PODN: variants seen among roughly 807,000 people sequenced by gnomAD.
The protein encoded by PODN is podocan proteoglycan.
In PODN, 40 loss-of-function variants were observed where a neutral mutation model predicts 52.7. The observed-to-expected ratio is 0.76, with a 90% CI of 0.59 to 0.99. The LOEUF is 0.99. PODN is among the 50% of genes least tolerant of loss of function. PODN has a pLI of 0.00. For missense variants in PODN, 720 were observed against 815.1 expected (o/e 0.88, Z 1.42); for synonymous variants, 396 against 377.9 (o/e 1.05, Z -0.56).
chr1:53,075,880 T>C lies in PODN; in HGVS notation c.490T>C (p.Phe164Leu), dbSNP rs1409002606. Residue 164 changes from phenylalanine (F) to leucine (L), a missense_variant, in exon 5 of 11, where the codon TTC becomes CTC. Transcript: ENST00000312553. ...ANNKLTLAPR[F>L]LPNALISVDF... ...TTCCCAGCTGACCTTGGCACCCCGC[T>C]TCCTGCCAAACGCCCTGATCAGTGT... The C allele has an allele frequency of 6.2e-7, 1 of 1,602,840 alleles. No homozygotes were observed. Among genetic ancestry groups the C allele is most frequent in the African/African-American group, 1.3e-5 (1 of 74,774 alleles).
At chr1:53,071,708 G>A (rs1644121417) in intron 3 of PODN, 80 bp downstream of exon 3, 6 of 1,379,110 alleles carry the variant, frequency 4.4e-6, no homozygotes, top group Non-Finnish European at 5.0e-6. Flanking sequence ...TGCCCAGGGG[G>A]AGAGCTTGGC....
In PODN at chr1:53,063,345, T is replaced by C. The variant is rs955018304; in HGVS notation, c.-56+1037T>C. On this transcript the variant is annotated intron_variant, in intron 1 of 10. Coordinates refer to ENST00000312553, the MANE Select transcript of PODN (RefSeq NM_153703.5). The stretch of plus-strand genomic sequence containing the variant: ...GCTTGGAGTGAATTACTGACCTGTC[T>C]GCCCTTCGATTACCGGCTGGCCAGG... 12 of 985,626 alleles carry C rather than the reference T, an allele frequency of 1.2e-5. No individual in the cohort carries two copies. The African/African-American group carries it at 1.7e-4, about 14-fold the overall frequency. 61.1% of individuals were successfully genotyped at this position (985,626 alleles called of 1,614,324 possible).
Position 53,070,042 on chromosome 1 carries a change from C to A in PODN, c.187C>A (p.Pro63Thr). ...GAGCCCTGAGGAGCCCGGGCCTGGCCCAGCCGCGGTCAGCTGCCCCCGAGA... is the reference window on the plus strand; with the variant it reads ...GAGCCCTGAGGAGCCCGGGCCTGGCACAGCCGCGGTCAGCTGCCCCCGAGA... ...VLSPEEPGPG[P>T]AAVSCPRDCA... The change falls in exon 2 of 11, where the codon CCA becomes ACA. Residue 63 changes from proline (P) to threonine (T), a missense_variant. Coordinates refer to ENST00000312553, the MANE Select transcript of PODN (RefSeq NM_153703.5). The A allele has an allele frequency of 6.2e-7, 1 of 1,612,986 alleles. No homozygotes were observed. Among genetic ancestry groups the A allele is most frequent in the Non-Finnish European group, 8.5e-7 (1 of 1,179,960 alleles).
chr1:53,062,341 G>T, intron 1 of PODN, 33 bp downstream of exon 1: 1 of 1,233,540 alleles, frequency 8.1e-7, no homozygotes, highest in Non-Finnish European at 1.0e-6. Flanking sequence ...GTGGGCCGAG[G>T]GGCCGGGGGC....
chr1:53,081,608 C>T (rs2150307227), intron 9 of PODN, among the ~76,000 whole-genome samples: 1 of 152,354 alleles, frequency 6.6e-6, no homozygotes, highest in South Asian at 2.1e-4. Context: ...TGCCACTCCA[C>T]ATCAGGCACT....
chr1:53,074,520 G>A (rs940879530), intron 3 of PODN, 86 bp from the exon 4 acceptor site: 32 of 1,495,172 alleles, frequency 2.1e-5, no homozygotes, highest in South Asian at 5.7e-5. Context: ...CCTGGCAGGC[G>A]GGTGGGGGAG....
At position 53,071,581 on chromosome 1, in the gene PODN, A is replaced by C; in HGVS notation, c.359A>C (p.His120Pro). ...KIYPEELSRL[H>P]RLETLNLQNN... ...TACCCTGAGGAGCTCTCCCGGCTGC[A>C]CCGGCTGGAGACGCTGAACCTGCAA... is the stretch of plus-strand genomic sequence containing the variant. The change falls in exon 3 of 11, where the codon CAC (histidine) becomes CCC (proline). Residue 120 changes from histidine (H) to proline (P), a missense_variant. Physicochemically the swap from His to Pro is moderately conservative, Grantham distance 77. Transcript: ENST00000312553. 2 of 1,613,992 alleles carry C rather than the reference A, an allele frequency of 1.2e-6. No individual in the cohort carries two copies. Among genetic ancestry groups the C allele is most frequent in the Non-Finnish European group, 1.7e-6 (2 of 1,179,998 alleles).
At chr1:53,076,491 C>G (rs868366135) in intron 5 of PODN, among the ~76,000 whole-genome samples, 3 of 152,150 alleles carry the variant, frequency 2.0e-5, no homozygotes, top group Admixed American at 6.5e-5. Context: ...ACGGGCCACA[C>G]AGCAAAACTG....
chr1:53,083,329 C>T (rs977514324), intron 10 of PODN, among the ~76,000 whole-genome samples: 1 of 152,198 alleles, frequency 6.6e-6, no homozygotes, highest in African/African-American at 2.4e-5. Flanking sequence ...TGCCCCGACA[C>T]ACACATGCAT....
chr1:53,067,747 C>A (rs1423962184), intron 1 of PODN, among the ~76,000 whole-genome samples: 1 of 152,006 alleles, frequency 6.6e-6, no homozygotes, highest in Non-Finnish European at 1.5e-5. Context: ...GAGACCCCAT[C>A]TTTACACAAA....
chr1:53,071,440 C>G, intron 2 of PODN, 95 bp from the exon 3 acceptor site: 1 of 1,063,350 alleles, frequency 9.4e-7, no homozygotes, highest in Non-Finnish European at 1.4e-6. Context: ...AGCAGGTGGA[C>G]TGGATTCTAG....
intron 9 of PODN, among the ~76,000 whole-genome samples, chr1:53,081,209 C>T (rs576797468): frequency 1.4e-4 from 22 of 152,328 alleles, no homozygotes; most frequent in Admixed American, 9.8e-4. Flanking sequence ...AGGCTGGGTC[C>T]GGGCCTCACA....
chr1:53,084,067 A>T (rs1644329858), intron 10 of PODN, among the ~76,000 whole-genome samples: 2 of 151,902 alleles, frequency 1.3e-5, no homozygotes, highest in African/African-American at 4.8e-5. Context: ...GGGTATCCGC[A>T]AGTGTGGAGG....
chr1:53,081,844 T>C (rs1644300121), intron 9 of PODN, 137 bp from the exon 10 acceptor site: 5 of 1,334,616 alleles, frequency 3.7e-6, no homozygotes, highest in South Asian at 1.5e-5. Flanking sequence ...TCTCAGCCCC[T>C]GGCCTTTCCC....
chr1:53,079,714 C>T (rs1196697916), intron 8 of PODN, among the ~76,000 whole-genome samples: 1 of 152,156 alleles, frequency 6.6e-6, no homozygotes, highest in Non-Finnish European at 1.5e-5. Context: ...AAGAGAAATC[C>T]ACTCTATACG....
chr1:53,079,220 C>T (rs1644248705), intron 8 of PODN, among the ~76,000 whole-genome samples, 198 bp downstream of exon 8: 1 of 152,188 alleles, frequency 6.6e-6, no homozygotes, highest in Admixed American at 6.5e-5. Flanking sequence ...TTAGGGGAGG[C>T]AGGAGGTGGG....
chr1:53,075,452 G>A (rs181328760), intron 4 of PODN, among the ~76,000 whole-genome samples: 8 of 152,254 alleles, frequency 5.3e-5, no homozygotes, highest in African/African-American at 1.2e-4. Context: ...AGCTCTTACC[G>A]CACTGGCCCC....
At chr1:53,078,178 C>A (rs529194240) in intron 7 of PODN, among the ~76,000 whole-genome samples, 187 bp from the exon 8 acceptor site, 1 of 152,168 alleles carries the variant, frequency 6.6e-6, no homozygotes, top group Non-Finnish European at 1.5e-5. Context: ...CAGAAAATGC[C>A]GGATCCTTCC....
At chr1:53,083,324 C>T (rs1045910920) in intron 10 of PODN, among the ~76,000 whole-genome samples, 4 of 152,088 alleles carry the variant, frequency 2.6e-5, no homozygotes, top group East Asian at 1.9e-4. Context: ...CAAGATGCCC[C>T]GACACACACA....
Sources: allele counts gnomAD v4.1 joint callset (sites outside exome capture counted in the v4.1 genomes callset), GRCh38; gene constraint gnomAD v4.1.1; transcripts MANE v1.5; gene names NCBI Gene and HGNC (gene_info 2026-07-23, HGNC 2026-07-21).